The following ALG13 variants were observed in gnomAD, a reference collection of about 807,000 sequenced individuals.
The protein encoded by ALG13 is UDP-N-acetylglucosamine transferase subunit ALG13.
Under a neutral mutation model 87.8 loss-of-function variants are expected in ALG13, and 11 were observed. The observed-to-expected ratio is 0.13, with a 90% CI of 0.08 to 0.21. The LOEUF is 0.21. Ranked by LOEUF, ALG13 falls within the 10% of genes least tolerant of loss-of-function variation. ALG13 has a pLI of 1.00. For missense variants in ALG13, 756 were observed against 866.1 expected, an observed-to-expected ratio of 0.87 and a Z score of 1.60; for synonymous variants, 320 against 306.3, an observed-to-expected ratio of 1.04 and a Z score of -0.47.
chrX:111,752,456 C>T, intron 24 of ALG13, among the ~76,000 whole-genome samples: 1 of 110,147 alleles, frequency 9.1e-6, no homozygotes, highest in Middle Eastern at 4.7e-3. Context: ...CGCTCTGTCA[C>T]CCAGGCTGGA....
chrX:111,688,562 T>G, intron 3 of ALG13: 9 of 735,729 alleles, frequency 1.2e-5, no homozygotes, highest in Non-Finnish European at 1.4e-5. Context: ...AGTGGATATA[T>G]TCACTTTTTT....
At chrX:111,757,495 T>A (rs1317635889) in intron 25 of ALG13, 93 bp from the exon 26 acceptor site, 1 of 288,071 alleles carries the variant, frequency 3.5e-6, no homozygotes, top group Non-Finnish European at 5.0e-6. Context: ...CAATTCTTAT[T>A]TTTTTTTTTT....
intron 3 of ALG13, among the ~76,000 whole-genome samples, chrX:111,697,916 C>G (rs753554320): frequency 8.9e-6 from 1 of 112,197 alleles, no homozygotes; most frequent in South Asian, 3.7e-4. Flanking sequence ...TCCCTTGGAG[C>G]TGTAAAATTC....
At position 111,708,972 on chromosome X, in the gene ALG13, G is replaced by A; in HGVS notation, c.758G>A (p.Cys253Tyr). The A allele has an allele frequency of 8.5e-7, 1 of 1,178,400 alleles. No homozygotes were observed. Among genetic ancestry groups the A allele is most frequent in the Non-Finnish European group, 1.1e-6 (1 of 875,121 alleles). ...LFRAISEQLFCSQVHHLEIRK... is the reference protein window; with the variant it reads ...LFRAISEQLFYSQVHHLEIRK... Reference sequence around the variant, plus strand: ...TCTTTCTCTTCTTTTTAGTTGTTTTGCAGCCAGGTCCATCATTTGGAAATC... The same window carrying A: ...TCTTTCTCTTCTTTTTAGTTGTTTTACAGCCAGGTCCATCATTTGGAAATC... Residue 253 changes from cysteine to tyrosine, a missense_variant, in exon 5 of 27, where the codon TGC becomes TAC. Coordinates refer to ENST00000394780, the MANE Select transcript of ALG13 (RefSeq NM_001099922.3).
At chrX:111,728,486 GA>G (rs747086185) in intron 19 of ALG13, among the ~76,000 whole-genome samples, 181 bp downstream of exon 19, 38 of 111,850 alleles carry the variant, frequency 3.4e-4, no homozygotes, top group African/African-American at 1.2e-3. Context: ...TTTCTCAGAA[GA>G]GTAGACTTCT....
chrX:111,742,950 A>G lies in ALG13; in HGVS notation c.2696-1718A>G, dbSNP rs1299309887. On this transcript the variant is annotated intron_variant, in intron 23 of 26. Coordinates refer to ENST00000394780, the MANE Select transcript of ALG13 (RefSeq NM_001099922.3). ...CTGTTAAGCCTGTGGAGCTCTTCTT[A>G]AGTCTGAGGATGAGAAGCTCATGCA... Among the ~76,000 whole-genome samples, 3 of 112,157 alleles carry G rather than the reference A, an allele frequency of 2.7e-5. No homozygotes were observed. In the East Asian group the frequency reaches 8.4e-4, roughly 31 times the overall value.
intron 3 of ALG13, among the ~76,000 whole-genome samples, chrX:111,697,232 G>T (rs1289033264): frequency 9.0e-6 from 1 of 111,688 alleles, no homozygotes; most frequent in Non-Finnish European, 1.9e-5. Context: ...GGTCAAAAAT[G>T]TGAAGCATTT....
chrX:111,685,118 GATT>G lies in ALG13; in HGVS notation c.383+24_383+26del. On this transcript the variant is annotated intron_variant, in intron 3 of 26. Transcript: ENST00000394780. ...TGTACCTGCAGGTATGCTAGAGACTGATTATTATTATCTCTTGCCTTAATTCGT... is the reference window on the plus strand; with the variant it reads ...TGTACCTGCAGGTATGCTAGAGACTGATTATTATCTCTTGCCTTAATTCGT... 1 of 1,198,358 alleles carries G rather than the reference GATT, an allele frequency of 8.3e-7. No individual in the cohort carries two copies. The highest frequency in any genetic ancestry group is 1.1e-6 in the Non-Finnish European group (1 of 889,636).
At chrX:111,736,662 A>G (rs1943269718) in intron 22 of ALG13, 52 bp from the exon 23 acceptor site, 1 of 1,117,972 alleles carries the variant, frequency 8.9e-7, no homozygotes, top group African/African-American at 1.8e-5. Context: ...CAGATAATCT[A>G]CTGTTTGAAA....
intron 3 of ALG13, among the ~76,000 whole-genome samples, chrX:111,702,746 C>T (rs1439153799): frequency 2.7e-5 from 3 of 110,387 alleles, no homozygotes; most frequent in African/African-American, 9.9e-5. Context: ...CAAGATTGCT[C>T]CCTTCCACCC....
At position 111,730,516 on chromosome X, in the gene ALG13, A is replaced by G. The variant is rs1942568162; in HGVS notation, c.2402-9A>G. 3 of 1,193,902 alleles carry G rather than the reference A, an allele frequency of 2.5e-6. No individual in the cohort carries two copies. The highest frequency in any genetic ancestry group is 3.4e-6 in the Non-Finnish European group (3 of 886,057). On this transcript the variant is annotated splice_polypyrimidine_tract_variant and intron_variant, in intron 20 of 26. Transcript: ENST00000394780. Reference sequence around the variant, plus strand: ...AATGCTCATTTTTTACTTTGGCTATATTCTCTAGAGCCAGACTATGAAACT... The same window carrying G: ...AATGCTCATTTTTTACTTTGGCTATGTTCTCTAGAGCCAGACTATGAAACT...
rs1935913903 is a variant in ALG13 at position 111,690,353 on chromosome X, G to A, written c.383+5250G>A. ...CATTGGGAAATTTGCACCATGGATA[G>A]ATTAAGAGGTAGACAGTTAATAGAA... On this transcript the variant is annotated intron_variant, in intron 3 of 26. Transcript: ENST00000394780. The A allele has an allele frequency of 4.0e-6, 3 of 751,281 alleles. No individual in the cohort carries two copies. In the South Asian group the frequency reaches 2.0e-4, roughly 51 times the overall value. The allele number at this position is 751,281 out of a possible 1,213,427, so 61.9% of individuals were successfully genotyped here.
At chrX:111,722,693 G>C in intron 12 of ALG13, 100 bp from the exon 13 acceptor site, 2 of 547,867 alleles carry the variant, frequency 3.7e-6, no homozygotes, top group Non-Finnish European at 6.2e-6. Context: ...TATAGTGGTA[G>C]CGTTGTCAAA....
At chrX:111,726,701 T>C in intron 15 of ALG13, 108 bp from the exon 16 acceptor site, 1 of 903,025 alleles carries the variant, frequency 1.1e-6, no homozygotes, top group East Asian at 3.1e-5. Context: ...ATTTGGTTTG[T>C]TCCTAGGGGA....
intron 26 of ALG13, among the ~76,000 whole-genome samples, 156 bp downstream of exon 26, chrX:111,757,918 A>G (rs1051168243): frequency 8.9e-6 from 1 of 111,839 alleles, no homozygotes; most frequent in African/African-American, 3.3e-5. Context: ...AGACTCTTTC[A>G]AGGGATTCAT....
At position 111,738,227 on chromosome X, in the gene ALG13, T is replaced by C. The variant is rs1342122396; in HGVS notation, c.2695+1348T>C. Among the ~76,000 whole-genome samples, 13 of 112,229 alleles carry C rather than the reference T, an allele frequency of 1.2e-4. 1 individual carries two copies. The highest frequency in any genetic ancestry group is 8.5e-4 in the Admixed American group (9 of 10,646). ...AGAATTATAAAGGGGAGAAGGTCAT[T>C]TTAGTAATGGAGACTAAACTGTAAT... is the stretch of plus-strand genomic sequence containing the variant. On this transcript the variant is annotated intron_variant, in intron 23 of 26. Coordinates refer to ENST00000394780, the MANE Select transcript of ALG13 (RefSeq NM_001099922.3).
intron 24 of ALG13, 80 bp from the exon 25 acceptor site, chrX:111,752,710 C>G: frequency 1.3e-6 from 1 of 741,135 alleles, no homozygotes; most frequent in Non-Finnish European, 2.0e-6. Flanking sequence ...GCCACCGTGC[C>G]CAGCCAGAAA....
intron 2 of ALG13, among the ~76,000 whole-genome samples, chrX:111,684,396 A>C (rs1464871119): frequency 9.1e-6 from 1 of 110,073 alleles, no homozygotes; most frequent in African/African-American, 3.3e-5. Flanking sequence ...ATCATAGCTC[A>C]CTTCAAGCTC....
intron 3 of ALG13, chrX:111,686,186 C>T (rs1458738734): frequency 5.5e-6 from 6 of 1,091,233 alleles, no homozygotes; most frequent in African/African-American, 3.7e-5. Flanking sequence ...TCAGTAATTC[C>T]CACTTGTTTG....
Sources: allele counts gnomAD v4.1 joint callset (sites outside exome capture counted in the v4.1 genomes callset), GRCh38; gene constraint gnomAD v4.1.1; transcripts MANE v1.5; gene names NCBI Gene and HGNC (gene_info 2026-07-23, HGNC 2026-07-21).